MSH4: variants seen among roughly 807,000 people sequenced by gnomAD.
The protein encoded by MSH4 is mutS protein homolog 4.
MSH4 carries 106 observed loss-of-function variants against 113.7 expected under a neutral mutation model. The observed-to-expected ratio is 0.93, with a 90% CI of 0.80 to 1.10. The LOEUF is 1.10. Ranked by LOEUF, MSH4 falls within the 50% of genes least tolerant of loss-of-function variation. The pLI is 0.00. For missense variants in MSH4, 1,061 were observed against 1,093.7 expected, an observed-to-expected ratio of 0.97 and a Z score of 0.42; for synonymous variants, 368 against 380.2, an observed-to-expected ratio of 0.97 and a Z score of 0.37.
At chr1:75,857,403 G>T (rs1056059077) in intron 8 of MSH4, among the ~76,000 whole-genome samples, 13 of 152,114 alleles carry the variant, frequency 8.5e-5, no homozygotes, top group African/African-American at 3.1e-4. Flanking sequence ...TTTTCTTCTA[G>T]GGTTTTTATG....
At chr1:75,844,451 T>A (rs570776783) in intron 7 of MSH4, among the ~76,000 whole-genome samples, 1 of 152,236 alleles carries the variant, frequency 6.6e-6, no homozygotes, top group Non-Finnish European at 1.5e-5. Flanking sequence ...CTCAGCCTCC[T>A]GAGTAGCTGG....
chr1:75,832,774 T>G (rs1239316131), intron 7 of MSH4, among the ~76,000 whole-genome samples: 1 of 80,194 alleles, frequency 1.2e-5, no homozygotes, highest in Non-Finnish European at 2.9e-5. Context: ...TAGATATTGA[T>G]GGAACGTATC....
At chr1:75,798,131 ATTTC>A (rs763251329) in intron 1 of MSH4, among the ~76,000 whole-genome samples, 48 of 152,020 alleles carry the variant, frequency 3.2e-4, no homozygotes, top group Non-Finnish European at 6.5e-4. Context: ...AATGTTCTTA[ATTTC>A]TTTATTTTTA....
At chr1:75,822,288 CAAAAAAA>C (rs33965683) in intron 6 of MSH4, 114 bp from the exon 7 acceptor site, 7 of 387,192 alleles carry the variant, frequency 1.8e-5, no homozygotes, top group African/African-American at 5.7e-5. Flanking sequence ...GACTCTGTTT[CAAAAAAA>C]AAAAAAAAAA....
At chr1:75,844,595 G>T (rs535568744) in intron 7 of MSH4, among the ~76,000 whole-genome samples, 2 of 152,142 alleles carry the variant, frequency 1.3e-5, no homozygotes, top group East Asian at 3.9e-4. Context: ...CAAAGTGCTG[G>T]GATTATAGGT....
At chr1:75,808,392 C>CA (rs1650115205) in intron 3 of MSH4, among the ~76,000 whole-genome samples, 1 of 152,076 alleles carries the variant, frequency 6.6e-6, no homozygotes, top group African/African-American at 2.4e-5. Flanking sequence ...TTCATGCTTG[C>CA]AAAAAAGTTA....
chr1:75,889,344 C>A lies in MSH4; in HGVS notation c.2201C>A (p.Ser734Ter). 1 of 1,499,662 alleles carries A rather than the reference C, an allele frequency of 6.7e-7. No homozygotes were observed. The highest frequency in any genetic ancestry group is 9.1e-7 in the Non-Finnish European group (1 of 1,098,672). The allele number at this position is 1,499,662 out of a possible 1,614,324, so 92.9% of individuals were successfully genotyped here. ...STDDDIETNS[S>*]TFMKEMKEIA... ...GATGATGATATCGAAACAAATTCAT[C>A]AACATTTATGAAAGAAATGAAAGAG... The change falls in exon 16 of 20, where the codon TCA (serine) becomes TAA (stop). Residue 734 changes from serine (S) to a stop codon, truncating the protein, a stop_gained. Transcript: ENST00000263187. LOFTEE classifies it high-confidence loss of function.
At chr1:75,878,957 G>GCTTTGT in intron 11 of MSH4, 35 bp from the exon 12 acceptor site, 1 of 1,565,048 alleles carries the variant, frequency 6.4e-7, no homozygotes, top group African/African-American at 1.4e-5. Flanking sequence ...TATTCATTTT[G>GCTTTGT]TTTTGTTTTT....
At chr1:75,875,328 A>G (rs953905066) in intron 9 of MSH4, among the ~76,000 whole-genome samples, 1 of 152,238 alleles carries the variant, frequency 6.6e-6, no homozygotes, top group Non-Finnish European at 1.5e-5. Flanking sequence ...ACACTGCAGA[A>G]AAAACGCCTA....
At chr1:75,840,168 G>A (rs1200680647) in intron 7 of MSH4, among the ~76,000 whole-genome samples, 1 of 150,218 alleles carries the variant, frequency 6.7e-6, no homozygotes, top group African/African-American at 2.4e-5. Context: ...CCCATTACTG[G>A]GTATATACCC....
At position 75,912,743 on chromosome 1, in the gene MSH4, C is replaced by T. The variant is rs1212490507; in HGVS notation, c.2667C>T (p.Tyr889=). ...TPEMERQRAV[Y]HLATRLVQTA... is the part of the protein sequence containing the mutation. ...AGATGGAAAGACAGAGAGCTGTGTA[C>T]CATCTAGCCACTAGGCTTGTTCAAA... Residue 889 remains tyrosine (Y), a synonymous_variant, in exon 20 of 20, where the codon TAC becomes TAT. Transcript: ENST00000263187. 6.3e-7 allele frequency: 1 copy of T among 1,582,326 alleles called. No homozygotes were observed. Among genetic ancestry groups the T allele is most frequent in the Non-Finnish European group, 8.6e-7 (1 of 1,166,566 alleles).
chr1:75,881,775 T>G (rs1406218753), intron 14 of MSH4, among the ~76,000 whole-genome samples: 1 of 152,054 alleles, frequency 6.6e-6, no homozygotes, highest in East Asian at 1.9e-4. Context: ...GCTCTTTAGA[T>G]GTGAACATAC....
rs530405621 is a variant in MSH4 at position 75,806,898 on chromosome 1, G to A, written c.428-83G>A. The stretch of plus-strand genomic sequence containing the variant: ...ACAGATTGCATTATTTTGTCCTCTT[G>A]ATTAAGAATTTCCTAGTTTTTTTTA... On this transcript the variant is annotated intron_variant, in intron 2 of 19. Coordinates refer to ENST00000263187, the MANE Select transcript of MSH4 (RefSeq NM_002440.4). 2.2e-5 allele frequency: 28 copies of A among 1,276,540 alleles called. 1 individual carries two copies. The South Asian group carries it at 4.1e-4, about 19-fold the overall frequency. The allele number at this position is 1,276,540 out of a possible 1,614,324, so 79.1% of individuals were successfully genotyped here.
At chr1:75,905,896 T>C (rs1269019976) in intron 19 of MSH4, among the ~76,000 whole-genome samples, 1 of 152,194 alleles carries the variant, frequency 6.6e-6, no homozygotes, top group Non-Finnish European at 1.5e-5. Context: ...TTTATTTATC[T>C]GGAATATCTT....
intron 2 of MSH4, among the ~76,000 whole-genome samples, chr1:75,804,985 G>A (rs1557488886): frequency 6.6e-6 from 1 of 150,544 alleles, no homozygotes; most frequent in African/African-American, 2.5e-5. Flanking sequence ...GCACCACCAC[G>A]CCTGGCTAAT....
intron 8 of MSH4, among the ~76,000 whole-genome samples, chr1:75,858,842 C>A (rs1651384015): frequency 6.6e-6 from 1 of 152,082 alleles, no homozygotes; most frequent in Non-Finnish European, 1.5e-5. Context: ...AAGGAATGGT[C>A]CCAGCTCCTC....
At chr1:75,868,734 A>T (rs1651644799) in intron 9 of MSH4, among the ~76,000 whole-genome samples, 1 of 152,218 alleles carries the variant, frequency 6.6e-6, no homozygotes, top group African/African-American at 2.4e-5. Flanking sequence ...TGATGGTTTT[A>T]TAAAGCAGAG....
chr1:75,883,851 G>A lies in MSH4; in HGVS notation c.2107+30G>A, dbSNP rs541088337. 3 of 1,565,612 alleles carry A rather than the reference G, an allele frequency of 1.9e-6. No individual in the cohort carries two copies. The African/African-American group carries it at 4.1e-5, about 21-fold the overall frequency. On this transcript the variant is annotated intron_variant, in intron 15 of 19. Coordinates refer to ENST00000263187, the MANE Select transcript of MSH4 (RefSeq NM_002440.4). ...GTTATGGCTTTATTTATAATGACCA[G>A]TTTTACACTCTTTTCAGAATGCTTT... is the stretch of plus-strand genomic sequence containing the variant.
intron 7 of MSH4, among the ~76,000 whole-genome samples, chr1:75,826,059 C>T (rs1442641805): frequency 7.2e-5 from 11 of 152,034 alleles, no homozygotes; most frequent in Admixed American, 6.6e-4. Context: ...CTCCTTGTAC[C>T]TCTGGTAGAA....
Sources: allele counts gnomAD v4.1 joint callset (sites outside exome capture counted in the v4.1 genomes callset), GRCh38; gene constraint gnomAD v4.1.1; transcripts MANE v1.5; gene names NCBI Gene and HGNC (gene_info 2026-07-23, HGNC 2026-07-21).